The following PTPRD variants were observed in gnomAD, a reference collection of about 807,000 sequenced individuals.
PTPRD encodes the protein receptor-type tyrosine-protein phosphatase delta.
PTPRD carries 34 observed loss-of-function variants against 214.5 expected under a neutral mutation model. The observed-to-expected ratio is 0.16, with a 90% CI of 0.12 to 0.21. The LOEUF is 0.21. Among genes scored for constraint, PTPRD ranks in the 10% least tolerant of loss-of-function variants. The pLI is 1.00. For synonymous variants in PTPRD, 1,128 were observed against 845.7 expected (o/e 1.33, Z -5.79); for missense variants, 2,545 against 2,398.7 (o/e 1.06, Z -1.27).
In PTPRD at chr9:8,820,296, T is replaced by C. The variant is rs535575346; in HGVS notation, c.-103-86350A>G. Among the ~76,000 whole-genome samples, 344 of 152,274 alleles carry C rather than the reference T, an allele frequency of 2.3e-3. 2 individuals are homozygous for C. Among genetic ancestry groups the C allele is most frequent in the Non-Finnish European group, 3.9e-3 (262 of 68,014 alleles). ...ATGAAAGGTCACTCAGCTAGTTAAG[T>C]GGCAGAGCTACTTACTGTACTAGGC... On this transcript the variant is annotated intron_variant, in intron 11 of 45. Coordinates refer to ENST00000381196, the MANE Select transcript of PTPRD (RefSeq NM_002839.4).
At chr9:8,717,271 T>C (rs2098447238) in intron 12 of PTPRD, among the ~76,000 whole-genome samples, 1 of 152,180 alleles carries the variant, frequency 6.6e-6, no homozygotes, top group African/African-American at 2.4e-5. Flanking sequence ...GAAGCAGGGA[T>C]GGAAGAGAAA....
At chr9:8,935,678 G>T (rs1026213289) in intron 11 of PTPRD, among the ~76,000 whole-genome samples, 1 of 152,212 alleles carries the variant, frequency 6.6e-6, no homozygotes, top group African/African-American at 2.4e-5. Flanking sequence ...CACTGGGGAA[G>T]GCCCCCCACA....
At chr9:10,469,348 G>A (rs1443112974) in intron 2 of PTPRD, among the ~76,000 whole-genome samples, 3 of 151,972 alleles carry the variant, frequency 2.0e-5, no homozygotes, top group Non-Finnish European at 2.9e-5. Flanking sequence ...GCAAAAAATT[G>A]AACAAAATAA....
At chr9:10,211,519 C>T (rs889609990) in intron 3 of PTPRD, among the ~76,000 whole-genome samples, 4 of 152,170 alleles carry the variant, frequency 2.6e-5, no homozygotes, top group Non-Finnish European at 5.9e-5. Context: ...AATAAATGTA[C>T]TGAATGGTAA....
chr9:8,903,083 A>G (rs1289073708), intron 11 of PTPRD, among the ~76,000 whole-genome samples: 1 of 152,130 alleles, frequency 6.6e-6, no homozygotes, highest in Non-Finnish European at 1.5e-5. Flanking sequence ...TAGGAATCCA[A>G]ATCTGTTGTG....
chr9:10,476,552 G>T (rs914566380), intron 2 of PTPRD, among the ~76,000 whole-genome samples: 11 of 152,094 alleles, frequency 7.2e-5, no homozygotes, highest in Non-Finnish European at 1.0e-4. Flanking sequence ...TTGTGAAAAT[G>T]GCCATGCAGA....
chr9:10,320,613 A>T (rs1272509010), intron 3 of PTPRD, among the ~76,000 whole-genome samples: 1 of 152,090 alleles, frequency 6.6e-6, no homozygotes, highest in Non-Finnish European at 1.5e-5. Flanking sequence ...GAGAGGTCTC[A>T]TATTTTAATG....
intron 10 of PTPRD, among the ~76,000 whole-genome samples, chr9:9,019,841 G>T (rs17664452): frequency 1.3e-5 from 2 of 152,014 alleles, no homozygotes; most frequent in South Asian, 4.1e-4. Context: ...ACTGGGCACC[G>T]ATGTTGGCAT....
At chr9:9,682,422 C>G (rs910709758) in intron 7 of PTPRD, among the ~76,000 whole-genome samples, 1 of 151,728 alleles carries the variant, frequency 6.6e-6, no homozygotes, top group African/African-American at 2.4e-5. Context: ...GATTCTGGCT[C>G]TGGGTTTCAG....
chr9:8,850,712 T>C (rs1482233064), intron 11 of PTPRD, among the ~76,000 whole-genome samples: 1 of 152,218 alleles, frequency 6.6e-6, no homozygotes, highest in East Asian at 1.9e-4. Flanking sequence ...CATAATGAGC[T>C]ATTTCAACCA....
At chr9:10,406,255 A>C (rs2098356407) in intron 2 of PTPRD, among the ~76,000 whole-genome samples, 1 of 151,470 alleles carries the variant, frequency 6.6e-6, no homozygotes, top group Admixed American at 6.6e-5. Flanking sequence ...TAAAAAGAGA[A>C]AATTTTATTA....
chr9:8,536,884 G>A (rs1354186658), intron 14 of PTPRD, among the ~76,000 whole-genome samples: 8 of 151,938 alleles, frequency 5.3e-5, no homozygotes, highest in Non-Finnish European at 4.4e-5. Context: ...GAAGGCAGAG[G>A]ATTATCATAG....
intron 43 of PTPRD, among the ~76,000 whole-genome samples, chr9:8,333,474 A>T (rs1391166977): frequency 6.6e-6 from 1 of 152,194 alleles, no homozygotes; most frequent in African/African-American, 2.4e-5. Flanking sequence ...AGCAAAGGAG[A>T]AATAAAATCC....
intron 14 of PTPRD, among the ~76,000 whole-genome samples, chr9:8,611,507 C>T (rs1049384336): frequency 6.6e-6 from 1 of 152,056 alleles, no homozygotes; most frequent in African/African-American, 2.4e-5. Context: ...GAGTTCGAGA[C>T]CAGCCTGGGC....
intron 3 of PTPRD, among the ~76,000 whole-genome samples, chr9:10,123,183 A>C (rs1470443244): frequency 1.3e-5 from 2 of 152,238 alleles, no homozygotes; most frequent in East Asian, 3.9e-4. Context: ...ATATTGAGAA[A>C]GGGGACACAG....
At chr9:10,192,996 C>G (rs1229030268) in intron 3 of PTPRD, among the ~76,000 whole-genome samples, 2 of 152,016 alleles carry the variant, frequency 1.3e-5, no homozygotes, top group African/African-American at 4.8e-5. Flanking sequence ...AGTATTTTCC[C>G]TTTTCCTTGT....
At chr9:8,333,519 C>G (rs1444750967) in intron 43 of PTPRD, among the ~76,000 whole-genome samples, 3 of 152,090 alleles carry the variant, frequency 2.0e-5, no homozygotes, top group African/African-American at 2.4e-5. Flanking sequence ...GATTATGTCA[C>G]CACCAGGCCT....
At chr9:8,501,134 A>G (rs1423079597) in intron 23 of PTPRD, 75 bp from the exon 24 acceptor site, 3 of 1,138,602 alleles carry the variant, frequency 2.6e-6, no homozygotes, top group East Asian at 5.1e-5. Context: ...TGATAAAACA[A>G]AAGAAAAGGC....
intron 12 of PTPRD, among the ~76,000 whole-genome samples, chr9:8,653,327 T>C (rs1454157032): frequency 6.6e-6 from 1 of 152,134 alleles, no homozygotes; most frequent in East Asian, 1.9e-4. Flanking sequence ...AAAACAGTGT[T>C]TAGAAATTGC....
Sources: gnomAD v4.1 joint callset for allele counts (sites outside exome capture counted in the v4.1 genomes callset) on GRCh38, gnomAD v4.1.1 for gene constraint, MANE v1.5 for transcripts, NCBI Gene and HGNC (gene_info 2026-07-23, HGNC 2026-07-21) for gene names.